The following GALNT1 variants were observed in gnomAD, a reference collection of about 807,000 sequenced individuals.
GALNT1 encodes the protein GalNAc transferase 1.
A neutral mutation model predicts 65.7 loss-of-function variants in GALNT1; 17 were observed. The ratio of observed to expected loss-of-function variants is 0.26; its 90% confidence interval spans 0.18 to 0.39. GALNT1 has a LOEUF of 0.39. Ranked by LOEUF, GALNT1 falls within the 10% of genes least tolerant of loss-of-function variation. The pLI, the probability that GALNT1 is intolerant of heterozygous loss-of-function variation, is 1.00. For missense variants in GALNT1, 460 were observed against 672.8 expected (o/e 0.68, Z 3.50); for synonymous variants, 210 against 219.7 (o/e 0.96, Z 0.39).
chr18:35,594,624 G>A (rs1313496784), intron 1 of GALNT1, among the ~76,000 whole-genome samples: 3 of 152,236 alleles, frequency 2.0e-5, no homozygotes, highest in South Asian at 2.1e-4. Flanking sequence ...GTCCAATGAA[G>A]TGAGGGATTT....
chr18:35,634,888 C>G (rs887003813), intron 1 of GALNT1, among the ~76,000 whole-genome samples: 1 of 152,178 alleles, frequency 6.6e-6, no homozygotes, highest in Non-Finnish European at 1.5e-5. Flanking sequence ...GGATAGCAAT[C>G]TTAGGCCTGT....
intron 1 of GALNT1, among the ~76,000 whole-genome samples, chr18:35,623,253 CT>C (rs1397857273): frequency 6.6e-6 from 1 of 152,056 alleles, no homozygotes; most frequent in Non-Finnish European, 1.5e-5. Context: ...CATTTCTTTA[CT>C]TGAAAATGTC....
intron 3 of GALNT1, among the ~76,000 whole-genome samples, chr18:35,674,318 T>C (rs1218249013): frequency 6.6e-6 from 1 of 152,184 alleles, no homozygotes; most frequent in Non-Finnish European, 1.5e-5. Flanking sequence ...CACTAGGCCA[T>C]AGGTATTTTT....
At chr18:35,703,750 A>T in intron 11 of GALNT1, 107 bp downstream of exon 11, 1 of 1,103,188 alleles carries the variant, frequency 9.1e-7, no homozygotes, top group Non-Finnish European at 1.3e-6. Context: ...AATATGGATC[A>T]AACTTGTCTT....
At chr18:35,657,020 C>G (rs2047399059) in intron 2 of GALNT1, among the ~76,000 whole-genome samples, 1 of 151,992 alleles carries the variant, frequency 6.6e-6, no homozygotes, top group African/African-American at 2.4e-5. Flanking sequence ...AATTGATGCT[C>G]CTTAGAAGAG....
chr18:35,601,133 G>C (rs1156364821), intron 1 of GALNT1, among the ~76,000 whole-genome samples: 2 of 151,992 alleles, frequency 1.3e-5, no homozygotes, highest in Non-Finnish European at 2.9e-5. Context: ...CTTTTGATTG[G>C]TCTGTTCAGG....
At chr18:35,592,153 AC>A (rs1239441190) in intron 1 of GALNT1, among the ~76,000 whole-genome samples, 8 of 152,154 alleles carry the variant, frequency 5.3e-5, no homozygotes, top group Non-Finnish European at 1.0e-4. Context: ...CTGAGGGGAT[AC>A]TTACAGTTAC....
intron 2 of GALNT1, among the ~76,000 whole-genome samples, chr18:35,661,788 T>C (rs1482429393): frequency 6.6e-6 from 1 of 152,168 alleles, no homozygotes; most frequent in Non-Finnish European, 1.5e-5. Flanking sequence ...TTCCCCCTAG[T>C]AAAAACACAG....
At chr18:35,591,908 G>A (rs1598778984) in intron 1 of GALNT1, 1 of 154,474 alleles carries the variant, frequency 6.5e-6, no homozygotes, top group South Asian at 2.0e-4. Flanking sequence ...TTTGTAAGGG[G>A]TGTCACCATT....
At chr18:35,686,650 T>A (rs972224891) in intron 5 of GALNT1, among the ~76,000 whole-genome samples, 1 of 152,170 alleles carries the variant, frequency 6.6e-6, no homozygotes, top group Non-Finnish European at 1.5e-5. Context: ...TGGTTATCCA[T>A]AGAAGAAATA....
At chr18:35,641,104 G>T (rs937203663) in intron 1 of GALNT1, among the ~76,000 whole-genome samples, 1 of 152,106 alleles carries the variant, frequency 6.6e-6, no homozygotes, top group East Asian at 1.9e-4. Flanking sequence ...GGGACTATAG[G>T]CATTAGCCAC....
intron 1 of GALNT1, among the ~76,000 whole-genome samples, chr18:35,604,767 T>C (rs1241591861): frequency 6.6e-6 from 1 of 152,236 alleles, no homozygotes; most frequent in Non-Finnish European, 1.5e-5. Flanking sequence ...TAGGATTGTT[T>C]GTTTTTTGCT....
At chr18:35,690,940 T>C (rs142476421) in intron 7 of GALNT1, 72 bp from the exon 8 acceptor site, 150 of 1,348,590 alleles carry the variant, frequency 1.1e-4, no homozygotes, top group South Asian at 6.0e-4. Flanking sequence ...AGAAAAATAC[T>C]ATGGGAAAAC....
At chr18:35,603,696 T>TG (rs2046609871) in intron 1 of GALNT1, among the ~76,000 whole-genome samples, 1 of 152,140 alleles carries the variant, frequency 6.6e-6, no homozygotes, top group Non-Finnish European at 1.5e-5. Context: ...ACTTCTCTTC[T>TG]TCCCCACTGT....
At chr18:35,643,806 AAAG>A (rs1373290507) in intron 1 of GALNT1, among the ~76,000 whole-genome samples, 1 of 151,836 alleles carries the variant, frequency 6.6e-6, no homozygotes, top group Non-Finnish European at 1.5e-5. Context: ...AAAAAAAAAA[AAAG>A]AAAAAAAAAC....
At chr18:35,584,621 C>G (rs989710311) in intron 1 of GALNT1, among the ~76,000 whole-genome samples, 12 of 152,162 alleles carry the variant, frequency 7.9e-5, no homozygotes, top group Non-Finnish European at 1.6e-4. Flanking sequence ...CACCAGGGAC[C>G]AGTTTTGTGG....
chr18:35,607,931 T>G (rs556338684), intron 1 of GALNT1, among the ~76,000 whole-genome samples: 1 of 152,268 alleles, frequency 6.6e-6, no homozygotes, highest in Non-Finnish European at 1.5e-5. Flanking sequence ...GACATGAATA[T>G]TGGGGGATGT....
At chr18:35,686,807 A>T (rs1421003804) in intron 5 of GALNT1, among the ~76,000 whole-genome samples, 1 of 152,110 alleles carries the variant, frequency 6.6e-6, no homozygotes, top group Non-Finnish European at 1.5e-5. Context: ...CTACTCAGGA[A>T]GCTGAGGTGG....
chr18:35,699,575 C>G (rs997676838), intron 9 of GALNT1, among the ~76,000 whole-genome samples: 1 of 152,174 alleles, frequency 6.6e-6, no homozygotes, highest in African/African-American at 2.4e-5. Context: ...GGGATAAAAT[C>G]CTCTGAAGAG....
Sources: gnomAD v4.1 joint callset for allele counts (sites outside exome capture counted in the v4.1 genomes callset) on GRCh38, gnomAD v4.1.1 for gene constraint, MANE v1.5 for transcripts, NCBI Gene and HGNC (gene_info 2026-07-23, HGNC 2026-07-21) for gene names.